TXNRD2: variants seen among roughly 807,000 people sequenced by gnomAD.
The protein encoded by TXNRD2 is thioredoxin reductase 2, mitochondrial.
In TXNRD2, 67 loss-of-function variants were observed where a neutral mutation model predicts 70.8. The observed-to-expected ratio is 0.95, with a 90% CI of 0.78 to 1.16. TXNRD2 has a LOEUF of 1.16. Among genes scored for constraint, TXNRD2 ranks in the 50% most tolerant of loss-of-function variants. The probability of loss-of-function intolerance (pLI) is 0.00; values close to 1 mark genes in which losing one functional copy is unlikely to be tolerated. For synonymous variants in TXNRD2, 301 were observed against 295.8 expected (o/e 1.02, Z -0.18); for missense variants, 644 against 719.9 (o/e 0.89, Z 1.21).
intron 5 of TXNRD2, among the ~76,000 whole-genome samples, chr22:19,917,354 G>A (rs1478692099): frequency 6.6e-6 from 1 of 152,154 alleles, no homozygotes; most frequent in Non-Finnish European, 1.5e-5. Context: ...CTGGATAGGG[G>A]AGAGCTTGTG....
intron 11 of TXNRD2, 96 bp downstream of exon 11, chr22:19,895,311 T>A: frequency 6.2e-7 from 1 of 1,600,090 alleles, no homozygotes; most frequent in Non-Finnish European, 8.5e-7. Flanking sequence ...GCCAGCAGGA[T>A]GGGGGAGCCC....
intron 11 of TXNRD2, chr22:19,895,081 C>A (rs1257319216): frequency 3.1e-6 from 5 of 1,595,270 alleles, no homozygotes; most frequent in Non-Finnish European, 4.2e-6. Flanking sequence ...CCAGGGAAGG[C>A]GAGGATGATT....
rs553054933 is a variant in TXNRD2, at chr22:19,896,741, T to A, written c.775-1160A>T. On this transcript the variant is annotated intron_variant, in intron 10 of 17. Transcript: ENST00000400521. Reference sequence around the variant, plus strand: ...TCTGGTTTCAAGAGGAGAAAAACAGTCACTGCTAACATCCTCTGACACCTG... The same window carrying A: ...TCTGGTTTCAAGAGGAGAAAAACAGACACTGCTAACATCCTCTGACACCTG... Among the ~76,000 whole-genome samples, 5 of 152,316 alleles carry A rather than the reference T, an allele frequency of 3.3e-5. No individual in the cohort carries two copies. The South Asian group carries it at 1.0e-3, about 32-fold the overall frequency.
At position 19,932,915 on chromosome 22, in the gene TXNRD2, G is replaced by A. The variant is rs559484143; in HGVS notation, c.104-1817C>T. ...TCCACCTTCCTAGGCAGGCAAGGCTGCAGAGAGTGTACTTGGAGTGTCATG... is the reference window on the plus strand; with the variant it reads ...TCCACCTTCCTAGGCAGGCAAGGCTACAGAGAGTGTACTTGGAGTGTCATG... On this transcript the variant is annotated intron_variant, in intron 1 of 17. Transcript: ENST00000400521. 3.3e-5 allele frequency among the ~76,000 whole-genome samples: 5 copies of A among 152,348 alleles called. No homozygotes were observed. The East Asian group carries it at 7.7e-4, about 23-fold the overall frequency.
rs565341225 is a variant in TXNRD2, at chr22:19,931,824, G to T, written c.104-726C>A. ...GACTAAAACATTCTCAAGTCCACGT[G>T]CCTTTCAGTTGTGAAGGCTGCCCTC... On this transcript the variant is annotated intron_variant, in intron 1 of 17. Transcript: ENST00000400521. 4.1e-4 allele frequency among the ~76,000 whole-genome samples: 63 copies of T among 152,136 alleles called. No homozygotes were observed. In the South Asian group the frequency reaches 0.012, roughly 29 times the overall value.
At chr22:19,931,959 G>A (rs2146092906) in intron 1 of TXNRD2, among the ~76,000 whole-genome samples, 1 of 151,992 alleles carries the variant, frequency 6.6e-6, no homozygotes, top group East Asian at 1.9e-4. Flanking sequence ...AGGAGATCGA[G>A]ACCATCCTGG....
chr22:19,899,821 A>G (rs550423241), intron 8 of TXNRD2, among the ~76,000 whole-genome samples: 49 of 152,314 alleles, frequency 3.2e-4, no homozygotes, highest in African/African-American at 1.2e-3. Context: ...ACATTCATTC[A>G]TATATACATA....
intron 8 of TXNRD2, among the ~76,000 whole-genome samples, chr22:19,900,707 G>A (rs1939737147): frequency 6.6e-6 from 1 of 151,168 alleles, no homozygotes; most frequent in South Asian, 2.1e-4. Flanking sequence ...CCAAGATCGT[G>A]TCACTGCACT....
intron 1 of TXNRD2, among the ~76,000 whole-genome samples, chr22:19,934,341 ACTG>A: frequency 6.9e-6 from 1 of 144,714 alleles, no homozygotes; most frequent in East Asian, 2.2e-4. Context: ...TGATAGCACC[ACTG>A]CACTCCAGCC....
chr22:19,899,140 C>T, intron 8 of TXNRD2, 72 bp from the exon 9 acceptor site: 1 of 1,594,652 alleles, frequency 6.3e-7, no homozygotes, highest in East Asian at 2.2e-5. Flanking sequence ...CAGAGCAGAA[C>T]CCCGCAGCCT....
At chr22:19,909,761 TCA>T (rs200209660) in intron 8 of TXNRD2, among the ~76,000 whole-genome samples, 1,622 of 29,528 alleles carry the variant, frequency 0.055, 27 homozygotes, top group South Asian at 0.1. Flanking sequence ...CCCACACCCT[TCA>T]CACACACACA....
At chr22:19,924,691 G>T (rs1361597833) in intron 2 of TXNRD2, among the ~76,000 whole-genome samples, 1 of 152,084 alleles carries the variant, frequency 6.6e-6, no homozygotes, top group Non-Finnish European at 1.5e-5. Flanking sequence ...TTTATTGGTG[G>T]GTTTGAAAAC....
At chr22:19,885,516 G>A (rs939369710) in intron 11 of TXNRD2, among the ~76,000 whole-genome samples, 2 of 152,250 alleles carry the variant, frequency 1.3e-5, no homozygotes, top group African/African-American at 4.8e-5. Flanking sequence ...CGGGAGGGCT[G>A]GCACCGGTCG....
intron 8 of TXNRD2, among the ~76,000 whole-genome samples, chr22:19,902,413 T>A (rs1282516534): frequency 6.6e-6 from 1 of 152,332 alleles, no homozygotes; most frequent in South Asian, 2.1e-4. Context: ...GCAATCCATC[T>A]GCCTCTTGAG....
chr22:19,904,350 C>G (rs576599977), intron 8 of TXNRD2, among the ~76,000 whole-genome samples: 1 of 152,238 alleles, frequency 6.6e-6, no homozygotes. Flanking sequence ...TAGTGAAGTG[C>G]ACTGTTTAAT....
chr22:19,928,303 A>G (rs1169631456), intron 2 of TXNRD2, among the ~76,000 whole-genome samples: 2 of 152,206 alleles, frequency 1.3e-5, no homozygotes, highest in Non-Finnish European at 2.9e-5. Flanking sequence ...CACAATGGCC[A>G]AAAGGTGGAA....
intron 11 of TXNRD2, chr22:19,884,172 T>G (rs1189977425): frequency 1.3e-5 from 2 of 152,668 alleles, no homozygotes; most frequent in African/African-American, 4.8e-5. Flanking sequence ...AATGTCCACT[T>G]AGAACTGGCC....
At chr22:19,905,594 G>A (rs1362673449) in intron 8 of TXNRD2, among the ~76,000 whole-genome samples, 4 of 152,136 alleles carry the variant, frequency 2.6e-5, no homozygotes, top group South Asian at 2.1e-4. Flanking sequence ...TGCAGTGACC[G>A]TCACCGAAGA....
intron 8 of TXNRD2, among the ~76,000 whole-genome samples, chr22:19,899,778 A>T (rs1419964141): frequency 2.0e-5 from 3 of 152,216 alleles, no homozygotes; most frequent in Non-Finnish European, 2.9e-5. Context: ...CACGGGCACA[A>T]ATGTACACAC....
Sources: allele counts gnomAD v4.1 joint callset (sites outside exome capture counted in the v4.1 genomes callset), GRCh38; gene constraint gnomAD v4.1.1; transcripts MANE v1.5; gene names NCBI Gene and HGNC (gene_info 2026-07-23, HGNC 2026-07-21).